Variants in GPC6 observed in about 807,000 individuals in gnomAD.
The protein encoded by GPC6 is glypican 6.
In GPC6, 14 loss-of-function variants were observed where a neutral mutation model predicts 55.2. The observed-to-expected ratio is 0.25, with a 90% confidence interval of 0.17 to 0.40. The LOEUF (loss-of-function observed/expected upper bound fraction) is 0.40, where lower values mean the gene tolerates loss of function less well. Ranked by LOEUF, GPC6 falls within the 10% of genes least tolerant of loss-of-function variation. The pLI, the probability that GPC6 is intolerant of heterozygous loss-of-function variation, is 1.00. For synonymous variants in GPC6, 278 were observed against 259.6 expected (o/e 1.07, Z -0.68); for missense variants, 641 against 708.5 (o/e 0.90, Z 1.08).
intron 4 of GPC6, among the ~76,000 whole-genome samples, chr13:94,087,543 TTACCTCATCC>T (rs1594725822): frequency 6.6e-6 from 1 of 152,316 alleles, no homozygotes; most frequent in East Asian, 1.9e-4. Context: ...TCAGGCACTG[TTACCTCATCC>T]ACAGAATCTC....
At chr13:93,737,146 C>T (rs1408643946) in intron 2 of GPC6, among the ~76,000 whole-genome samples, 2 of 152,102 alleles carry the variant, frequency 1.3e-5, no homozygotes, top group Non-Finnish European at 2.9e-5. Flanking sequence ...GCATGCATTG[C>T]TTGGCCATTG....
intron 1 of GPC6, among the ~76,000 whole-genome samples, chr13:93,462,160 A>C (rs1357329518): frequency 6.6e-6 from 1 of 152,196 alleles, no homozygotes; most frequent in African/African-American, 2.4e-5. Context: ...AAATAGCTTG[A>C]AGATTTATTA....
In GPC6 at chr13:93,744,486, C is replaced by T. The variant is rs181957722; in HGVS notation, c.320-85668C>T. On this transcript the variant is annotated intron_variant, in intron 2 of 8. Transcript: ENST00000377047. The stretch of plus-strand genomic sequence containing the variant: ...CAGGACCTTCAACTCACGATGTTCA[C>T]ATCTAAACTCCTTGTCTTCCTCCAA... Among the ~76,000 whole-genome samples the T allele has an allele frequency of 2.1e-5, 3 of 143,420 alleles. No homozygotes were observed. The East Asian group carries it at 6.5e-4, about 31-fold the overall frequency. 94.1% of individuals were successfully genotyped at this position (143,420 alleles called of 152,430 possible).
At chr13:93,426,455 C>G (rs566217603) in intron 1 of GPC6, among the ~76,000 whole-genome samples, 1,476 of 125,774 alleles carry the variant, frequency 0.012, 21 homozygotes, top group African/African-American at 0.038. Context: ...TCTCATTGTT[C>G]AGTTCCCACC....
At chr13:94,143,724 CA>C (rs1052904524) in intron 4 of GPC6, among the ~76,000 whole-genome samples, 1 of 151,796 alleles carries the variant, frequency 6.6e-6, no homozygotes, top group African/African-American at 2.4e-5. Context: ...CCCATCTTTA[CA>C]AAAAAATACA....
intron 1 of GPC6, among the ~76,000 whole-genome samples, chr13:93,536,141 C>G (rs1053535034): frequency 6.6e-6 from 1 of 152,030 alleles, no homozygotes; most frequent in South Asian, 2.1e-4. Flanking sequence ...CTCTGTGATT[C>G]TCAAGTCTCA....
chr13:93,272,067 A>ATT lies in GPC6; in HGVS notation c.160+44459_160+44460dup, dbSNP rs542649007. Among the ~76,000 whole-genome samples the ATT allele has an allele frequency of 1.3e-3, 196 of 151,112 alleles. 1 individual carries two copies. Among genetic ancestry groups the ATT allele is most frequent in the African/African-American group, 4.5e-3 (186 of 41,198 alleles). On this transcript the variant is annotated intron_variant, in intron 1 of 8. Coordinates refer to ENST00000377047, the MANE Select transcript of GPC6 (RefSeq NM_005708.5). ...TTTATTGAATATCAAGAGGTAGTTA[A>ATT]TTTTTTTTTCGCTTGTATTAGGGAA...
intron 6 of GPC6, among the ~76,000 whole-genome samples, chr13:94,356,151 C>A (rs1878783295): frequency 6.6e-6 from 1 of 152,218 alleles, no homozygotes; most frequent in Non-Finnish European, 1.5e-5. Flanking sequence ...CATAGTATTC[C>A]ATGCTGTACA....
chr13:93,359,542 A>G (rs1458083755), intron 1 of GPC6, among the ~76,000 whole-genome samples: 1 of 152,176 alleles, frequency 6.6e-6, no homozygotes, highest in Non-Finnish European at 1.5e-5. Context: ...TGATATGTGC[A>G]ATAGTTGAAT....
chr13:93,674,965 C>T (rs1881528002), intron 2 of GPC6, among the ~76,000 whole-genome samples: 2 of 152,132 alleles, frequency 1.3e-5, no homozygotes, highest in Admixed American at 6.5e-5. Context: ...TGTTCTTCCC[C>T]ACCTAATCAA....
chr13:94,259,208 C>T (rs1217643099), intron 4 of GPC6, among the ~76,000 whole-genome samples: 5 of 152,176 alleles, frequency 3.3e-5, no homozygotes, highest in Non-Finnish European at 7.3e-5. Flanking sequence ...AAGCCCCGAG[C>T]AAACATTACT....
chr13:93,324,429 T>C (rs1340056120), intron 1 of GPC6, among the ~76,000 whole-genome samples: 1 of 151,372 alleles, frequency 6.6e-6, no homozygotes, highest in East Asian at 1.9e-4. Flanking sequence ...AAGAGTATAA[T>C]TGGATTGTTT....
At chr13:93,601,418 G>A (rs1170604433) in intron 2 of GPC6, among the ~76,000 whole-genome samples, 1 of 151,768 alleles carries the variant, frequency 6.6e-6, no homozygotes, top group Non-Finnish European at 1.5e-5. Flanking sequence ...TAAAAACATG[G>A]GCATTAAGTA....
chr13:93,285,894 A>T (rs1157898152), intron 1 of GPC6, among the ~76,000 whole-genome samples: 1 of 152,188 alleles, frequency 6.6e-6, no homozygotes, highest in Non-Finnish European at 1.5e-5. Context: ...AACTTACATG[A>T]GAAATACAGA....
chr13:94,054,546 C>A (rs963015932), intron 4 of GPC6, among the ~76,000 whole-genome samples: 10 of 152,172 alleles, frequency 6.6e-5, no homozygotes, highest in Non-Finnish European at 4.4e-5. Flanking sequence ...ATAATCCCAC[C>A]TTTTGACACC....
intron 4 of GPC6, among the ~76,000 whole-genome samples, chr13:94,195,019 A>G (rs576739595): frequency 1.3e-5 from 2 of 152,168 alleles, no homozygotes; most frequent in Non-Finnish European, 2.9e-5. Flanking sequence ...ATCTAGAAAC[A>G]AGGCCTTTGG....
intron 2 of GPC6, among the ~76,000 whole-genome samples, chr13:93,654,837 A>ATTT (rs1255934947): frequency 5.9e-5 from 8 of 135,530 alleles, no homozygotes; most frequent in African/African-American, 1.9e-4. Context: ...ACATAACCAG[A>ATTT]TTTTTTTTTT....
intron 3 of GPC6, among the ~76,000 whole-genome samples, chr13:93,836,625 T>G (rs2892668): frequency 0.034 from 5,240 of 152,300 alleles, 268 homozygotes; most frequent in East Asian, 0.17. Flanking sequence ...TTATCAATGA[T>G]GTTTCTATGC....
At chr13:94,192,966 C>G (rs987287087) in intron 4 of GPC6, among the ~76,000 whole-genome samples, 1 of 151,706 alleles carries the variant, frequency 6.6e-6, no homozygotes, top group East Asian at 1.9e-4. Context: ...TTGTTGAAAC[C>G]AAAAATGAAG....
Sources: allele counts gnomAD v4.1 joint callset (sites outside exome capture counted in the v4.1 genomes callset), GRCh38; gene constraint gnomAD v4.1.1; transcripts MANE v1.5; gene names NCBI Gene and HGNC (gene_info 2026-07-23, HGNC 2026-07-21).